The following DCLK2 variants were observed in gnomAD, a reference collection of about 807,000 sequenced individuals.
DCLK2 encodes serine/threonine-protein kinase DCLK2.
Under a neutral mutation model 78.4 loss-of-function variants are expected in DCLK2, and 31 were observed. The ratio of observed to expected loss-of-function variants is 0.40; its 90% CI spans 0.30 to 0.53. The LOEUF is 0.53. Among genes scored for constraint, DCLK2 ranks in the 20% least tolerant of loss-of-function variants. DCLK2 has a pLI of 0.61. For synonymous variants in DCLK2, 407 were observed against 374.9 expected (o/e 1.09, Z -0.99); for missense variants, 872 against 973.7 (o/e 0.90, Z 1.39).
chr4:150,203,546 A>G (rs564620339), intron 4 of DCLK2, among the ~76,000 whole-genome samples: 1 of 150,076 alleles, frequency 6.7e-6, no homozygotes, highest in African/African-American at 2.5e-5. Context: ...TGTCTTCTAT[A>G]TTTGTTTATA....
chr4:150,216,336 CTT>C (rs1288506578), intron 5 of DCLK2, among the ~76,000 whole-genome samples: 1 of 152,156 alleles, frequency 6.6e-6, no homozygotes, highest in Non-Finnish European at 1.5e-5. Flanking sequence ...GTTTTCAAGT[CTT>C]TTTTAAAAAG....
At chr4:150,207,516 C>T (rs574746243) in intron 5 of DCLK2, among the ~76,000 whole-genome samples, 1 of 152,288 alleles carries the variant, frequency 6.6e-6, no homozygotes, top group South Asian at 2.1e-4. Context: ...TATAGACAAT[C>T]CACCCTCCTC....
chr4:150,244,213 G>T (rs1012324170), intron 12 of DCLK2, among the ~76,000 whole-genome samples: 1 of 152,088 alleles, frequency 6.6e-6, no homozygotes, highest in Non-Finnish European at 1.5e-5. Context: ...GAGATTATAG[G>T]TGTGAGCCAC....
chr4:150,186,469 T>G (rs1737942989), intron 2 of DCLK2, among the ~76,000 whole-genome samples: 1 of 152,234 alleles, frequency 6.6e-6, no homozygotes, highest in African/African-American at 2.4e-5. Context: ...GGTGTTCTTC[T>G]ATAACATTCA....
At chr4:150,221,326 T>C (rs971560100) in intron 6 of DCLK2, among the ~76,000 whole-genome samples, 1 of 151,862 alleles carries the variant, frequency 6.6e-6, no homozygotes, top group Non-Finnish European at 1.5e-5. Flanking sequence ...TGTTTTTTTT[T>C]TTTTTCTTTT....
Position 150,193,662 on chromosome 4 carries a change from T to C in DCLK2, c.859+422T>C, listed in dbSNP as rs74493885. On this transcript the variant is annotated intron_variant, in intron 3 of 15. Coordinates refer to ENST00000296550, the MANE Select transcript of DCLK2 (RefSeq NM_001040260.4). ...ATGTGTATGCATAAGGAAATCTATA[T>C]TAAAAAGAAATAGATGAAAGGATAA... Among the ~76,000 whole-genome samples the C allele has an allele frequency of 7.1e-3, 1,079 of 152,320 alleles. 10 individuals carry two copies. The highest frequency in any genetic ancestry group is 0.044 in the Middle Eastern group (13 of 294).
chr4:150,243,260 G>A (rs1743059543), intron 12 of DCLK2, among the ~76,000 whole-genome samples: 1 of 152,166 alleles, frequency 6.6e-6, no homozygotes, highest in Non-Finnish European at 1.5e-5. Context: ...GAAAGCTGCT[G>A]CCCTTATATG....
At chr4:150,104,020 G>T (rs1731061554) in intron 2 of DCLK2, among the ~76,000 whole-genome samples, 1 of 151,916 alleles carries the variant, frequency 6.6e-6, no homozygotes, top group Non-Finnish European at 1.5e-5. Flanking sequence ...AAAGGTATTT[G>T]ACAAATCAAA....
intron 1 of DCLK2, among the ~76,000 whole-genome samples, chr4:150,102,005 T>A (rs1730927919): frequency 6.6e-6 from 1 of 152,232 alleles, no homozygotes. Flanking sequence ...GATTATTCTT[T>A]GATTAGGGCT....
intron 12 of DCLK2, among the ~76,000 whole-genome samples, chr4:150,241,224 G>T (rs1005045128): frequency 6.6e-6 from 1 of 152,308 alleles, no homozygotes; most frequent in African/African-American, 2.4e-5. Flanking sequence ...AAATAGGCCT[G>T]GGAATACACA....
In DCLK2 at chr4:150,221,690, C is replaced by T; in HGVS notation, c.1146C>T (p.Asn382=). Residue 382 remains asparagine, a synonymous_variant, in exon 7 of 16, where the codon AAC becomes AAT. Transcript: ENST00000296550. The part of the protein sequence containing the change: ...RCISPEGVNG[N]RCSESSTLLE... Reference sequence around the variant, plus strand: ...TCCTTTTTGCAGGTGTGAATGGAAACAGATGCTCTGAATCATCAACTCTTC... The same window carrying T: ...TCCTTTTTGCAGGTGTGAATGGAAATAGATGCTCTGAATCATCAACTCTTC... The T allele has an allele frequency of 6.3e-7, 1 of 1,596,218 alleles. No individual in the cohort carries two copies. The highest frequency in any genetic ancestry group is 8.5e-7 in the Non-Finnish European group (1 of 1,173,618).
chr4:150,162,598 T>A (rs933452512), intron 2 of DCLK2, among the ~76,000 whole-genome samples: 1 of 152,156 alleles, frequency 6.6e-6, no homozygotes, highest in South Asian at 2.1e-4. Flanking sequence ...TAATTATGTT[T>A]CTGAGCTTTT....
intron 2 of DCLK2, among the ~76,000 whole-genome samples, chr4:150,184,580 TTTCTTC>T (rs1466219960): frequency 3.0e-5 from 4 of 134,084 alleles, no homozygotes; most frequent in African/African-American, 8.5e-5. Context: ...CAGTCTTGTG[TTTCTTC>T]TTCTTCTTCT....
At chr4:150,100,686 G>C (rs1266267330) in intron 1 of DCLK2, among the ~76,000 whole-genome samples, 1 of 152,100 alleles carries the variant, frequency 6.6e-6, no homozygotes, top group Non-Finnish European at 1.5e-5. Flanking sequence ...GCAAAATTCT[G>C]TTTTGCCCAT....
intron 7 of DCLK2, 82 bp from the exon 8 acceptor site, chr4:150,224,419 T>A (rs937757325): frequency 1.1e-4 from 137 of 1,232,174 alleles, no homozygotes; most frequent in Middle Eastern, 5.3e-4. Flanking sequence ...AAAAAAAAAA[T>A]TAAAGTATAA....
At chr4:150,249,540 T>G in intron 14 of DCLK2, 28 bp from the exon 15 acceptor site, 1 of 1,586,814 alleles carries the variant, frequency 6.3e-7, no homozygotes, top group Non-Finnish European at 8.7e-7. Context: ...GGAAAAAGCA[T>G]TGTATTTGAT....
At chr4:150,191,998 A>C (rs902086330) in intron 2 of DCLK2, among the ~76,000 whole-genome samples, 1 of 152,312 alleles carries the variant, frequency 6.6e-6, no homozygotes. Context: ...ATTACTTCTT[A>C]AGAAGAAAGC....
intron 4 of DCLK2, among the ~76,000 whole-genome samples, chr4:150,199,934 T>TTTG (rs951214895): frequency 3.0e-4 from 45 of 152,150 alleles, no homozygotes; most frequent in African/African-American, 1.0e-3. Flanking sequence ...AGGCCAGGAG[T>TTTG]TTGAGGCTGT....
intron 2 of DCLK2, among the ~76,000 whole-genome samples, chr4:150,119,156 C>T (rs1441443007): frequency 2.0e-5 from 3 of 152,060 alleles, no homozygotes; most frequent in African/African-American, 7.2e-5. Context: ...GGAGTTCTTT[C>T]TTACCGTACT....
Sources: allele counts gnomAD v4.1 joint callset (sites outside exome capture counted in the v4.1 genomes callset), GRCh38; gene constraint gnomAD v4.1.1; transcripts MANE v1.5; gene names NCBI Gene and HGNC (gene_info 2026-07-23, HGNC 2026-07-21).